The following KHDRBS2 variants were observed in gnomAD, a reference collection of about 807,000 sequenced individuals.
KHDRBS2 encodes the protein KH RNA binding domain containing, signal transduction associated 2.
Under a neutral mutation model 44.3 loss-of-function variants are expected in KHDRBS2, and 26 were observed. The ratio of observed to expected loss-of-function variants is 0.59; its 90% confidence interval spans 0.43 to 0.81. The LOEUF (loss-of-function observed/expected upper bound fraction) is 0.81. Among genes scored for constraint, KHDRBS2 ranks in the 40% least tolerant of loss-of-function variants. The probability of loss-of-function intolerance (pLI) is 0.00; values close to 1 mark genes in which losing one functional copy is unlikely to be tolerated. For missense variants in KHDRBS2, 476 were observed against 433.1 expected (o/e 1.10, Z -0.88); for synonymous variants, 194 against 151.1 (o/e 1.28, Z -2.08).
chr6:61,580,724 G>A, the KHDRBS2 span, among the ~76,000 whole-genome samples: 21 of 151,952 alleles, frequency 1.4e-4, no homozygotes, highest in South Asian at 6.3e-4. Flanking sequence ...TGTAACACTC[G>A]CTGTGAAGGT....
At chr6:61,615,643 A>T in the KHDRBS2 span, among the ~76,000 whole-genome samples, 3 of 152,164 alleles carry the variant, frequency 2.0e-5, no homozygotes, top group Admixed American at 2.0e-4. Context: ...GTAAAATCCA[A>T]AGTGTTCCGA....
chr6:61,916,123 A>G (rs932819312), intron 4 of KHDRBS2, among the ~76,000 whole-genome samples: 3 of 152,066 alleles, frequency 2.0e-5, no homozygotes, highest in African/African-American at 7.2e-5. Context: ...GATGCCTGCA[A>G]ATCAGCCATC....
intron 1 of KHDRBS2, among the ~76,000 whole-genome samples, chr6:62,223,037 C>T (rs1212594347): frequency 6.6e-6 from 1 of 152,162 alleles, no homozygotes; most frequent in Non-Finnish European, 1.5e-5. Flanking sequence ...CTAGGTGGTG[C>T]CCCAGTAGGG....
chr6:61,941,183 C>T (rs1183597394), intron 4 of KHDRBS2, among the ~76,000 whole-genome samples: 2 of 152,152 alleles, frequency 1.3e-5, no homozygotes, highest in African/African-American at 4.8e-5. Flanking sequence ...GGCATCTGAA[C>T]CTTCTCCAGG....
Position 62,285,998 on chromosome 6 carries a change from C to G in KHDRBS2, c.-50G>C, listed in dbSNP as rs374683027. The G allele has an allele frequency of 7.6e-6, 9 of 1,180,710 alleles. No homozygotes were observed. The highest frequency in any genetic ancestry group is 1.9e-4 in the Middle Eastern group (1 of 5,284). The allele number at this position is 1,180,710 out of a possible 1,614,324, so 73.1% of individuals were successfully genotyped here. A position where few individuals can be genotyped will look rare whatever the true frequency, so the allele number is the denominator to read the frequency against. ...GGCGAAGCGCGAGGTTCCGCTCGCT[C>G]GGACGCAGGCAGGGTCTTGGGGCAG... On this transcript the variant is annotated 5_prime_UTR_variant, in exon 1 of 9. Transcript: ENST00000281156.
intron 7 of KHDRBS2, among the ~76,000 whole-genome samples, chr6:61,732,097 G>A (rs1020728536): frequency 2.0e-5 from 3 of 152,012 alleles, no homozygotes; most frequent in African/African-American, 7.2e-5. Flanking sequence ...GTATACAGCT[G>A]TATTCTAAAT....
intron 4 of KHDRBS2, among the ~76,000 whole-genome samples, chr6:61,954,974 A>C (rs914620754): frequency 2.4e-4 from 27 of 113,806 alleles, no homozygotes; most frequent in Admixed American, 2.1e-3. Flanking sequence ...ATACGCATAC[A>C]TATGTATGTG....
intron 6 of KHDRBS2, among the ~76,000 whole-genome samples, chr6:61,809,077 C>T (rs1246383633): frequency 1.3e-5 from 2 of 150,624 alleles, no homozygotes; most frequent in Non-Finnish European, 1.5e-5. Context: ...CAGTGAACTC[C>T]ACTGGGAAAA....
At chr6:61,720,882 G>A (rs1376880813) in intron 7 of KHDRBS2, among the ~76,000 whole-genome samples, 1 of 150,586 alleles carries the variant, frequency 6.6e-6, no homozygotes, top group African/African-American at 2.5e-5. Context: ...GTAATGCCTA[G>A]GTTTTCTTCT....
chr6:61,758,413 A>G (rs1778821315), intron 6 of KHDRBS2, among the ~76,000 whole-genome samples: 1 of 151,876 alleles, frequency 6.6e-6, no homozygotes, highest in Non-Finnish European at 1.5e-5. Context: ...CCACTAGATC[A>G]TGAATGTTTG....
intron 3 of KHDRBS2, among the ~76,000 whole-genome samples, chr6:62,000,136 T>C (rs1777975286): frequency 6.6e-6 from 1 of 152,154 alleles, no homozygotes; most frequent in Non-Finnish European, 1.5e-5. Context: ...TGTGTGTGTG[T>C]GTGTATGCAC....
chr6:62,270,022 T>A (rs1839817553), intron 1 of KHDRBS2, among the ~76,000 whole-genome samples: 1 of 152,092 alleles, frequency 6.6e-6, no homozygotes. Context: ...AAGAACAAAA[T>A]TTTCTCTAAT....
chr6:61,965,640 T>C (rs1320093421), intron 4 of KHDRBS2, among the ~76,000 whole-genome samples: 1 of 151,888 alleles, frequency 6.6e-6, no homozygotes, highest in East Asian at 1.9e-4. Context: ...TATTTTGTTA[T>C]AATATTGTAC....
At chr6:61,544,616 G>T in the KHDRBS2 span, among the ~76,000 whole-genome samples, 1 of 152,194 alleles carries the variant, frequency 6.6e-6, no homozygotes, top group Non-Finnish European at 1.5e-5. Flanking sequence ...CTCAGGTGTG[G>T]CTGAATGAAA....
the KHDRBS2 span, among the ~76,000 whole-genome samples, chr6:61,634,526 A>T: frequency 7.6e-6 from 1 of 131,934 alleles, no homozygotes; most frequent in African/African-American, 2.5e-5. Context: ...CCTAATAGAC[A>T]CTGGTGTTGT....
At chr6:62,063,233 T>C (rs1191667555) in intron 2 of KHDRBS2, among the ~76,000 whole-genome samples, 3 of 141,006 alleles carry the variant, frequency 2.1e-5, no homozygotes, top group Admixed American at 7.3e-5. Flanking sequence ...CTTCTGAAAC[T>C]ATTCCAATCA....
chr6:61,759,865 C>T (rs1199230067), intron 6 of KHDRBS2, among the ~76,000 whole-genome samples: 2 of 152,150 alleles, frequency 1.3e-5, no homozygotes, highest in Non-Finnish European at 2.9e-5. Context: ...TTTCTTTCAG[C>T]TTTAATTAAC....
intron 5 of KHDRBS2, among the ~76,000 whole-genome samples, chr6:61,897,009 C>T (rs1438237658): frequency 6.6e-6 from 1 of 152,162 alleles, no homozygotes; most frequent in Non-Finnish European, 1.5e-5. Context: ...ACTTTGGAAT[C>T]TGGATGTCCC....
intron 4 of KHDRBS2, among the ~76,000 whole-genome samples, chr6:61,917,591 C>T (rs1807256021): frequency 6.6e-6 from 1 of 151,864 alleles, no homozygotes; most frequent in Non-Finnish European, 1.5e-5. Context: ...TGCCCAAACC[C>T]AAAGAATGTA....
Sources: allele counts gnomAD v4.1 joint callset (sites outside exome capture counted in the v4.1 genomes callset), GRCh38; gene constraint gnomAD v4.1.1; transcripts MANE v1.5; gene names NCBI Gene and HGNC (gene_info 2026-07-23, HGNC 2026-07-21).